Variants in DNAH5 observed in about 807,000 individuals in gnomAD.
The protein encoded by DNAH5 is dynein axonemal heavy chain 5.
Under a neutral mutation model 518.2 loss-of-function variants are expected in DNAH5, and 372 were observed. That is an observed-to-expected ratio of 0.72 (90% CI 0.66 to 0.78). The LOEUF is 0.78. Ranked by LOEUF, DNAH5 falls within the 30% of genes least tolerant of loss-of-function variation. DNAH5 has a pLI of 0.00. For synonymous variants in DNAH5, 2,039 were observed against 2,025.9 expected (o/e 1.01, Z -0.17); for missense variants, 5,523 against 5,687.0 (o/e 0.97, Z 0.93).
chr5:13,796,427 T>C (rs1266634384), intron 47 of DNAH5, among the ~76,000 whole-genome samples: 3 of 152,068 alleles, frequency 2.0e-5, no homozygotes. Flanking sequence ...GAGAGCCAAA[T>C]CATGAGTGAA....
chr5:13,821,469 A>C (rs1762226374), intron 40 of DNAH5, among the ~76,000 whole-genome samples: 1 of 152,222 alleles, frequency 6.6e-6, no homozygotes, highest in Non-Finnish European at 1.5e-5. Context: ...TCTTTATAAT[A>C]ACATGATGGA....
chr5:13,728,578 T>C (rs1464525314), intron 69 of DNAH5, among the ~76,000 whole-genome samples: 1 of 152,180 alleles, frequency 6.6e-6, no homozygotes, highest in African/African-American at 2.4e-5. Flanking sequence ...GTAATCCTAT[T>C]GGGGAATAAC....
Position 13,864,651 on chromosome 5 carries a change from C to T in DNAH5, c.4356-14G>A. 1 of 1,614,070 alleles carries T rather than the reference C, an allele frequency of 6.2e-7. No homozygotes were observed. The highest frequency in any genetic ancestry group is 8.5e-7 in the Non-Finnish European group (1 of 1,179,956). Reference sequence around the variant, plus strand: ...AGCTTTCGACATCTGTGAAGGGACACCAACATGAAAGGCCATTGAAATATG... The same window carrying T: ...AGCTTTCGACATCTGTGAAGGGACATCAACATGAAAGGCCATTGAAATATG... On this transcript the variant is annotated splice_polypyrimidine_tract_variant and intron_variant, in intron 27 of 78. Coordinates refer to ENST00000265104, the MANE Select transcript of DNAH5 (RefSeq NM_001369.3).
In DNAH5 at chr5:13,701,377, G is replaced by A. The variant is rs1467639190; in HGVS notation, c.13398C>T (p.Ser4466=). 1.9e-6 allele frequency: 3 copies of A among 1,613,752 alleles called. No individual in the cohort carries two copies. The highest frequency in any genetic ancestry group is 1.3e-5 in the African/African-American group (1 of 74,838). ...FWFTELIERN[S]QFTSWVFNGR... Reference sequence around the variant, plus strand: ...CATTGAAAACCCACGAGGTAAACTGGCTGTTTCTTTCTATAAGTTCAGTAA... The same window carrying A: ...CATTGAAAACCCACGAGGTAAACTGACTGTTTCTTTCTATAAGTTCAGTAA... Residue 4466 remains serine, a synonymous_variant, in exon 77 of 79, where the codon AGC becomes AGT. Coordinates refer to ENST00000265104, the MANE Select transcript of DNAH5 (RefSeq NM_001369.3).
chr5:14,006,020 C>A lies in DNAH5; in HGVS notation c.12+5628G>T, dbSNP rs1784700870. 2.6e-5 allele frequency among the ~76,000 whole-genome samples: 4 copies of A among 151,592 alleles called. No homozygotes were observed. In the South Asian group the frequency reaches 8.4e-4, roughly 32 times the overall value. On this transcript the variant is annotated intron_variant, in intron 1 of 78. Transcript: ENST00000681290. ...TGCAGCCCCCTGTTCCAAACCCACC[C>A]CCCTTGCAGACCCACACCTTTTGTC...
chr5:13,907,287 C>T (rs1222603556), intron 12 of DNAH5, among the ~76,000 whole-genome samples: 2 of 151,850 alleles, frequency 1.3e-5, no homozygotes, highest in South Asian at 2.1e-4. Context: ...AAAAATTAGC[C>T]GGGTGTGGTG....
chr5:13,766,456 G>GA (rs2126764118), intron 58 of DNAH5, among the ~76,000 whole-genome samples: 2 of 152,218 alleles, frequency 1.3e-5, no homozygotes, highest in East Asian at 1.9e-4. Context: ...CTTTGTGCCA[G>GA]AAAAAAGAAA....
Position 13,828,557 on chromosome 5 carries a change from T to C in DNAH5, c.6444+953A>G, listed in dbSNP as rs1400636457. ...AGACAACAGGTTGTATGTGATTATG[T>C]GTGTGTGATTATGTGGTCACATTAG... On this transcript the variant is annotated intron_variant, in intron 38 of 78. Transcript: ENST00000265104. Among the ~76,000 whole-genome samples, 5 of 152,336 alleles carry C rather than the reference T, an allele frequency of 3.3e-5. No homozygotes were observed. In the East Asian group the frequency reaches 9.6e-4, roughly 29 times the overall value.
rs1770961456 is a variant in DNAH5 at position 13,876,830 on chromosome 5, AAAG to A, written c.3263-16_3263-14del. The A allele has an allele frequency of 6.2e-7, 1 of 1,612,390 alleles. No individual in the cohort carries two copies. Among genetic ancestry groups the A allele is most frequent in the African/African-American group, 1.3e-5 (1 of 74,852 alleles). ...ATCTCCAAGGTATCTAAAAAGAAAA[AAAG>A]AAGAGAAAACTTTACACTACTCACA... is the stretch of plus-strand genomic sequence containing the variant. On this transcript the variant is annotated splice_polypyrimidine_tract_variant and intron_variant, in intron 21 of 78. Coordinates refer to ENST00000265104, the MANE Select transcript of DNAH5 (RefSeq NM_001369.3).
intron 35 of DNAH5, among the ~76,000 whole-genome samples, chr5:13,834,448 A>C (rs138149273): frequency 5.5e-4 from 84 of 152,300 alleles, no homozygotes; most frequent in African/African-American, 1.9e-3. Flanking sequence ...GTACCATGTA[A>C]ATTTTTCACC....
At chr5:13,793,864 T>C in intron 48 of DNAH5, 72 bp downstream of exon 48, 2 of 1,562,906 alleles carry the variant, frequency 1.3e-6, no homozygotes, top group African/African-American at 1.4e-5. Flanking sequence ...TTAAAAAAAA[T>C]TTTTAAAAAC....
intron 75 of DNAH5, among the ~76,000 whole-genome samples, chr5:13,711,349 G>A (rs1205425333): frequency 1.3e-5 from 2 of 152,052 alleles, no homozygotes; most frequent in Non-Finnish European, 2.9e-5. Context: ...AACAAAATCG[G>A]CATACAAGGG....
rs115545478 is a variant in DNAH5, at chr5:13,782,903, G to A, written c.8821-1944C>T. 7.4e-3 allele frequency among the ~76,000 whole-genome samples: 1,124 copies of A among 152,254 alleles called. 11 individuals carry two copies. Among genetic ancestry groups the A allele is most frequent in the Middle Eastern group, 0.038 (11 of 292 alleles). ...TACAGATTGTGAGGTGGAGGTATGC[G>A]TTTTTAATTTCATCAGCAAGTACTC... On this transcript the variant is annotated intron_variant, in intron 52 of 78. Coordinates refer to ENST00000265104, the MANE Select transcript of DNAH5 (RefSeq NM_001369.3).
intron 1 of DNAH5, among the ~76,000 whole-genome samples, chr5:13,962,938 G>A (rs1184820256): frequency 6.6e-6 from 1 of 152,078 alleles, no homozygotes; most frequent in Admixed American, 6.5e-5. Context: ...TAAGTGCCAC[G>A]TCCATGACAC....
chr5:14,006,404 A>G (rs1391915682), intron 1 of DNAH5, among the ~76,000 whole-genome samples: 1 of 152,174 alleles, frequency 6.6e-6, no homozygotes, highest in Non-Finnish European at 1.5e-5. Flanking sequence ...TTGCTTTCTC[A>G]CAGTTCTGGA....
At chr5:14,001,232 G>T (rs1249546338) in intron 1 of DNAH5, among the ~76,000 whole-genome samples, 1 of 152,156 alleles carries the variant, frequency 6.6e-6, no homozygotes, top group Non-Finnish European at 1.5e-5. Context: ...CACACTCCAA[G>T]CCTCAGTATC....
intron 69 of DNAH5, among the ~76,000 whole-genome samples, chr5:13,728,360 T>C (rs984617409): frequency 3.9e-5 from 6 of 152,190 alleles, no homozygotes; most frequent in Non-Finnish European, 5.9e-5. Context: ...GGTATATTCC[T>C]TTTCATCAAG....
At chr5:13,813,305 C>G (rs1341869313) in intron 43 of DNAH5, among the ~76,000 whole-genome samples, 1 of 152,032 alleles carries the variant, frequency 6.6e-6, no homozygotes, top group East Asian at 1.9e-4. Context: ...AGCTAGTACT[C>G]CTTAGCTAGT....
At chr5:13,695,429 T>C (rs2075231612) in intron 78 of DNAH5, among the ~76,000 whole-genome samples, 1 of 152,172 alleles carries the variant, frequency 6.6e-6, no homozygotes, top group African/African-American at 2.4e-5. Flanking sequence ...ACTTCGATAT[T>C]CAAGGGAGCT....
Sources: gnomAD v4.1 joint callset for allele counts (sites outside exome capture counted in the v4.1 genomes callset) on GRCh38, gnomAD v4.1.1 for gene constraint, MANE v1.5 for transcripts, NCBI Gene and HGNC (gene_info 2026-07-23, HGNC 2026-07-21) for gene names.